The following EDIL3 variants were observed in gnomAD, a reference collection of about 807,000 sequenced individuals.
EDIL3 encodes the protein EGF like and discoidin domains 3.
Under a neutral mutation model 67.4 loss-of-function variants are expected in EDIL3, and 37 were observed. That is an observed-to-expected ratio of 0.55 (90% confidence interval 0.42 to 0.72). The LOEUF (loss-of-function observed/expected upper bound fraction) is 0.72, where lower values mean the gene tolerates loss of function less well. Ranked by LOEUF, EDIL3 falls within the 30% of genes least tolerant of loss-of-function variation. EDIL3 has a pLI of 0.00. For missense variants in EDIL3, 527 were observed against 586.3 expected (o/e 0.90, Z 1.04); for synonymous variants, 195 against 196.3 (o/e 0.99, Z 0.05).
intron 2 of EDIL3, among the ~76,000 whole-genome samples, chr5:84,241,930 T>C (rs1188635066): frequency 1.3e-5 from 2 of 151,882 alleles, no homozygotes; most frequent in African/African-American, 4.8e-5. Flanking sequence ...ATTTAATTTA[T>C]ACAAAAGCAG....
At chr5:84,028,694 G>A (rs932858300) in intron 9 of EDIL3, among the ~76,000 whole-genome samples, 16 of 152,000 alleles carry the variant, frequency 1.1e-4, no homozygotes, top group Non-Finnish European at 1.8e-4. Flanking sequence ...GTATGTATAT[G>A]TGTGTAAAAT....
chr5:83,954,808 C>G (rs1337880405), intron 10 of EDIL3, among the ~76,000 whole-genome samples: 1 of 151,716 alleles, frequency 6.6e-6, no homozygotes, highest in African/African-American at 2.4e-5. Flanking sequence ...GGAAAGAAAA[C>G]TATCAGATTC....
chr5:84,315,641 T>C (rs1177461847), intron 1 of EDIL3, among the ~76,000 whole-genome samples: 1 of 152,126 alleles, frequency 6.6e-6, no homozygotes, highest in Middle Eastern at 3.2e-3. Flanking sequence ...TATGGTTCAT[T>C]ACTAGGGAAG....
chr5:83,977,662 T>C (rs547007992), intron 9 of EDIL3, among the ~76,000 whole-genome samples: 1 of 151,882 alleles, frequency 6.6e-6, no homozygotes, highest in South Asian at 2.1e-4. Context: ...TGGTAATGTT[T>C]CTTTTACTAT....
At chr5:84,229,725 G>T in intron 3 of EDIL3, 130 bp downstream of exon 3, 2 of 916,692 alleles carry the variant, frequency 2.2e-6, no homozygotes, top group Non-Finnish European at 1.7e-6. Flanking sequence ...AAATATAAAA[G>T]TAAATAAATA....
rs113842251 is a variant in EDIL3 at position 84,138,609 on chromosome 5, A to G, written c.356-1255T>C. On this transcript the variant is annotated intron_variant, in intron 4 of 10. Coordinates refer to ENST00000296591, the MANE Select transcript of EDIL3 (RefSeq NM_005711.5). ...GCAAGAAGATCATTAAATTACTTCT[A>G]AAAGGAAACAAGGAAAAAAGTATTT... Among the ~76,000 whole-genome samples, 1,444 of 152,306 alleles carry G rather than the reference A, an allele frequency of 9.5e-3. 16 individuals are homozygous for G. Among genetic ancestry groups the G allele is most frequent in the African/African-American group, 0.032 (1,350 of 41,578 alleles).
At chr5:84,268,911 T>C (rs1453894578) in intron 1 of EDIL3, among the ~76,000 whole-genome samples, 2 of 152,152 alleles carry the variant, frequency 1.3e-5, no homozygotes, top group Non-Finnish European at 2.9e-5. Context: ...ATTTGAATTA[T>C]AGTCCACAAA....
At chr5:84,165,611 C>T (rs11747890) in intron 4 of EDIL3, among the ~76,000 whole-genome samples, 46,762 of 151,978 alleles carry the variant, frequency 0.31, 7,878 homozygotes, top group Middle Eastern at 0.44. Context: ...AGCAAAGTGA[C>T]TCCAACAAAA....
At chr5:84,358,800 C>T (rs1334358483) in intron 1 of EDIL3, among the ~76,000 whole-genome samples, 4 of 151,716 alleles carry the variant, frequency 2.6e-5, no homozygotes, top group East Asian at 1.9e-4. Flanking sequence ...TTAGTAGAGA[C>T]GGGGTTTCTC....
chr5:84,300,214 G>A (rs921726528), intron 1 of EDIL3, among the ~76,000 whole-genome samples: 1 of 152,092 alleles, frequency 6.6e-6, no homozygotes, highest in African/African-American at 2.4e-5. Context: ...CTTAGCTTTT[G>A]GCCCTCTTAC....
intron 3 of EDIL3, among the ~76,000 whole-genome samples, chr5:84,216,958 C>G (rs1744237359): frequency 6.6e-6 from 1 of 152,098 alleles, no homozygotes; most frequent in Non-Finnish European, 1.5e-5. Context: ...AGGCAGTAGA[C>G]AGCTAGTTAT....
intron 10 of EDIL3, 101 bp from the exon 11 acceptor site, chr5:83,943,669 A>G: frequency 3.0e-6 from 4 of 1,342,432 alleles, no homozygotes; most frequent in Middle Eastern, 2.6e-4. Flanking sequence ...ATGATATTTG[A>G]TAACTATTCA....
At chr5:84,082,788 T>C (rs1746993110) in intron 6 of EDIL3, among the ~76,000 whole-genome samples, 1 of 148,988 alleles carries the variant, frequency 6.7e-6, no homozygotes, top group African/African-American at 2.5e-5. Flanking sequence ...ATAAACTAAA[T>C]ATTCCTTAGT....
chr5:84,070,029 G>A (rs1020349217), intron 6 of EDIL3, among the ~76,000 whole-genome samples: 3 of 151,988 alleles, frequency 2.0e-5, no homozygotes, highest in African/African-American at 7.2e-5. Flanking sequence ...TGGATACCAA[G>A]GGGAATTTGG....
At position 84,079,547 on chromosome 5, in the gene EDIL3, A is replaced by AT. The variant is rs113748658; in HGVS notation, c.652-12942dup. Among the ~76,000 whole-genome samples the AT allele has an allele frequency of 5.3e-3, 791 of 149,344 alleles. 9 individuals carry two copies. The highest frequency in any genetic ancestry group is 0.034 in the Middle Eastern group (10 of 292). ...AAAGTGTTAAGTGAAAGAGTAGGAA[A>AT]TTTTTTTTTTTCTATCTCAAACAAG... On this transcript the variant is annotated intron_variant, in intron 6 of 10. Transcript: ENST00000296591.
intron 10 of EDIL3, among the ~76,000 whole-genome samples, chr5:83,956,221 T>C (rs1402870296): frequency 6.6e-6 from 1 of 151,796 alleles, no homozygotes; most frequent in Non-Finnish European, 1.5e-5. Flanking sequence ...TCTTAAACCC[T>C]TCTTTACCCT....
At chr5:84,004,089 T>C (rs533372172) in intron 9 of EDIL3, among the ~76,000 whole-genome samples, 3 of 151,842 alleles carry the variant, frequency 2.0e-5, no homozygotes, top group South Asian at 2.1e-4. Context: ...AAGTACACTA[T>C]ATAATGATAA....
chr5:84,238,665 G>GTTTTTC (rs1554037701), intron 2 of EDIL3, among the ~76,000 whole-genome samples: 1 of 101,106 alleles, frequency 9.9e-6, no homozygotes, highest in Non-Finnish European at 1.8e-5. Flanking sequence ...AAAATTAAAT[G>GTTTTTC]TTTTTTTTTT....
intron 9 of EDIL3, among the ~76,000 whole-genome samples, chr5:83,965,080 T>A (rs1279264268): frequency 6.6e-6 from 1 of 152,052 alleles, no homozygotes; most frequent in Non-Finnish European, 1.5e-5. Flanking sequence ...ATATCACAGA[T>A]TCAAATCAAA....
Sources: gnomAD v4.1 joint callset for allele counts (sites outside exome capture counted in the v4.1 genomes callset) on GRCh38, gnomAD v4.1.1 for gene constraint, MANE v1.5 for transcripts, NCBI Gene and HGNC (gene_info 2026-07-23, HGNC 2026-07-21) for gene names.